Variants in SLC35D3 observed in about 807,000 individuals in gnomAD.
SLC35D3 encodes solute carrier family 35 member D3, also known as frc, fringe-like 1.
A neutral mutation model predicts 20.3 loss-of-function variants in SLC35D3; 18 were observed. That is an observed-to-expected ratio of 0.89 (90% confidence interval 0.61 to 1.32). SLC35D3 has a LOEUF of 1.32. Among genes scored for constraint, SLC35D3 ranks in the 40% most tolerant of loss-of-function variants. The pLI is 0.00. For synonymous variants in SLC35D3, 313 were observed against 263.5 expected (o/e 1.19, Z -1.82); for missense variants, 556 against 565.5 (o/e 0.98, Z 0.17).
rs1299422894 is a variant in SLC35D3, at chr6:136,925,067, TA to T, written c.*373del. ...GTGTAGAAATGATGACAGCACTTAGTAAGTTCAAAGATGACATTCAGGGATG... is the reference window on the plus strand; with the variant it reads ...GTGTAGAAATGATGACAGCACTTAGTAGTTCAAAGATGACATTCAGGGATG... On this transcript the variant is annotated 3_prime_UTR_variant, in exon 2 of 2. Transcript: ENST00000331858. 2 of 171,048 alleles carry T rather than the reference TA, an allele frequency of 1.2e-5. No individual in the cohort carries two copies. The highest frequency in any genetic ancestry group is 4.8e-5 in the African/African-American group (2 of 41,838). 10.6% of individuals were successfully genotyped at this position (171,048 alleles called of 1,614,324 possible).
At position 136,922,962 on chromosome 6, in the gene SLC35D3, T is replaced by A. The variant is rs1292173821; in HGVS notation, c.439+95T>A. On this transcript the variant is annotated intron_variant, in intron 1 of 1. Coordinates refer to ENST00000331858, the MANE Select transcript of SLC35D3 (RefSeq NM_001008783.3). The surrounding 1 kb of genome is among the most constrained non-coding windows in gnomAD (Gnocchi z 6.8). ...GATCACTGAGTTCAACGACCTCACT[T>A]CCAGATGGGGAGACTGAGGCAGAGA... 9 of 1,286,932 alleles carry A rather than the reference T, an allele frequency of 7.0e-6. No homozygotes were observed. Among genetic ancestry groups the A allele is most frequent in the Non-Finnish European group, 9.3e-6 (9 of 963,914 alleles). The allele number at this position is 1,286,932 out of a possible 1,614,324, so 79.7% of individuals were successfully genotyped here.
At position 136,922,355 on chromosome 6, in the gene SLC35D3, C is replaced by T; in HGVS notation, c.-74C>T. ...GCTGGGCGGGCGCCCCCGCCGCCCT[C>T]ACTCCGCTGCTCCCGGCTCCTCGCG... is the stretch of plus-strand genomic sequence containing the variant. On this transcript the variant is annotated 5_prime_UTR_variant, in exon 1 of 2. Coordinates refer to ENST00000331858, the MANE Select transcript of SLC35D3 (RefSeq NM_001008783.3). This position sits in a 1 kb window ranked among gnomAD's most constrained non-coding sequence, Gnocchi z 6.8. The T allele has an allele frequency of 7.9e-7, 1 of 1,258,920 alleles. No individual in the cohort carries two copies. The highest frequency in any genetic ancestry group is 1.0e-6 in the Non-Finnish European group (1 of 1,001,670). 78.0% of individuals were successfully genotyped at this position (1,258,920 alleles called of 1,614,324 possible). A position where few individuals can be genotyped will look rare whatever the true frequency, so the allele number is the denominator to read the frequency against.
chr6:136,922,545 C>T lies in SLC35D3; in HGVS notation c.117C>T (p.Ser39=). ...TCCTCATCAGCCGCTACCAGTTCTC[C>T]TTCCTGACCCTGGTGCAGTGCCTGA... ...LKFLISRYQF[S]FLTLVQCLTS... The change falls in exon 1 of 2, where the codon TCC becomes TCT. Residue 39 remains serine, a synonymous_variant. Coordinates refer to ENST00000331858, the MANE Select transcript of SLC35D3 (RefSeq NM_001008783.3). This position sits in a 1 kb window ranked among gnomAD's most constrained non-coding sequence, Gnocchi z 6.8. The T allele has an allele frequency of 2.5e-6, 4 of 1,612,666 alleles. No homozygotes were observed. Among genetic ancestry groups the T allele is most frequent in the Non-Finnish European group, 3.4e-6 (4 of 1,179,748 alleles).
rs772924067 is a variant in SLC35D3 at position 136,924,473 on chromosome 6, A to C, written c.1028A>C (p.Asn343Thr). Residue 343 changes from asparagine (N) to threonine (T), a missense_variant, in exon 2 of 2, where the codon AAT becomes ACT. Coordinates refer to ENST00000331858, the MANE Select transcript of SLC35D3 (RefSeq NM_001008783.3). Reference protein sequence around the residue: ...VMEELPGEGGNGRSEGGEAAG... With the variant: ...VMEELPGEGGTGRSEGGEAAG... ...GAGGAGCTGCCCGGGGAGGGAGGAA[A>C]TGGCCGGTCAGAAGGTGGGGAGGCA... is the stretch of plus-strand genomic sequence containing the variant. The C allele has an allele frequency of 2.4e-5, 39 of 1,613,620 alleles. No homozygotes were observed. Among genetic ancestry groups the C allele is most frequent in the Non-Finnish European group, 3.2e-5 (38 of 1,179,810 alleles).
rs777420864 is a variant in SLC35D3, at chr6:136,923,962, G to T, written c.517G>T (p.Val173Leu). The change falls in exon 2 of 2, where the codon GTG becomes TTG. Residue 173 changes from valine (V) to leucine (L), a missense_variant. By Grantham distance (32) the Val-to-Leu change is conservative. Transcript: ENST00000331858. The surrounding 1 kb of genome is among the most constrained non-coding windows in gnomAD (Gnocchi z 6.2). ...LAVLVHAAYL[V>L]LIQKASADTE... ...GGTGCTGGTGCACGCTGCCTACCTG[G>T]TGCTCATCCAGAAGGCCAGCGCAGA... 1 of 1,567,952 alleles carries T rather than the reference G, an allele frequency of 6.4e-7. No individual in the cohort carries two copies. The highest frequency in any genetic ancestry group is 2.4e-5 in the East Asian group (1 of 42,478).
chr6:136,924,028 G>C lies in SLC35D3; in HGVS notation c.583G>C (p.Val195Leu), dbSNP rs370964074. 1.9e-6 allele frequency: 3 copies of C among 1,604,460 alleles called. No homozygotes were observed. The highest frequency in any genetic ancestry group is 1.7e-5 in the Admixed American group (1 of 59,526). ...GCTCACCGCGCAGTACGTCATCGCCGTCTCTGCCACCCCGCTGCTGGTCAT... is the reference window on the plus strand; with the variant it reads ...GCTCACCGCGCAGTACGTCATCGCCCTCTCTGCCACCCCGCTGCTGGTCAT... ...GPLTAQYVIA[V>L]SATPLLVICS... Residue 195 changes from valine to leucine, a missense_variant, in exon 2 of 2, where the codon GTC becomes CTC. Coordinates refer to ENST00000331858, the MANE Select transcript of SLC35D3 (RefSeq NM_001008783.3).
At position 136,924,310 on chromosome 6, in the gene SLC35D3, G is replaced by C; in HGVS notation, c.865G>C (p.Val289Leu). 6.2e-7 allele frequency: 1 copy of C among 1,614,156 alleles called. No individual in the cohort carries two copies. The highest frequency in any genetic ancestry group is 8.5e-7 in the Non-Finnish European group (1 of 1,180,046). Residue 289 changes from valine to leucine, a missense_variant, in exon 2 of 2, where the codon GTG becomes CTG. Val to Leu is a conservative substitution (Grantham distance 32, BLOSUM62 1). Coordinates refer to ENST00000331858, the MANE Select transcript of SLC35D3 (RefSeq NM_001008783.3). ...PTSLFIAGVV[V>L]NTLGSIIYCV... ...CTCTCTGTTCATTGCCGGCGTGGTG[G>C]TGAACACCCTGGGCTCTATCATTTA...
Position 136,924,404 on chromosome 6 carries a change from G to A in SLC35D3, c.959G>A (p.Gly320Glu), listed in dbSNP as rs1439190179. 3 of 1,613,936 alleles carry A rather than the reference G, an allele frequency of 1.9e-6. No individual in the cohort carries two copies. The highest frequency in any genetic ancestry group is 3.3e-5 in the Admixed American group (2 of 60,008). ...GAGGACCTGGAGGCCCAGCCTCGGG[G>A]AGAGGAGGCGCAGCTAAGTGGAGAC... is the stretch of plus-strand genomic sequence containing the variant. Reference protein sequence around the residue: ...NYEDLEAQPRGEEAQLSGDQL... With the variant: ...NYEDLEAQPREEEAQLSGDQL... The change falls in exon 2 of 2, where the codon GGA becomes GAA. Residue 320 changes from glycine (G) to glutamate (E), a missense_variant. By Grantham distance (98) the Gly-to-Glu change is moderately conservative (BLOSUM62 -2). Coordinates refer to ENST00000331858, the MANE Select transcript of SLC35D3 (RefSeq NM_001008783.3).
In SLC35D3 at chr6:136,924,210, C is replaced by G; in HGVS notation, c.765C>G (p.Thr255=). 6.2e-7 allele frequency: 1 copy of G among 1,613,898 alleles called. No individual in the cohort carries two copies. The highest frequency in any genetic ancestry group is 8.5e-7 in the Non-Finnish European group (1 of 1,180,044). ...HCTYINSAVT[T]SFVGVVKSIA... ...CCTACATCAATTCGGCCGTGACCAC[C>G]AGCTTCGTGGGTGTGGTGAAGAGCA... The change falls in exon 2 of 2, where the codon ACC becomes ACG. Residue 255 remains threonine (T), a synonymous_variant. Transcript: ENST00000331858.
Position 136,922,414 on chromosome 6 carries a change from G to T in SLC35D3, c.-15G>T. On this transcript the variant is annotated 5_prime_UTR_variant, in exon 1 of 2. Transcript: ENST00000331858. This position sits in a 1 kb window ranked among gnomAD's most constrained non-coding sequence, Gnocchi z 6.8. ...GCGGAGCTCCGCCACCGCTGGGTGC[G>T]GCGAGGCCGGCGCGATGCGGCAGCT... is the stretch of plus-strand genomic sequence containing the variant. 2 of 1,505,646 alleles carry T rather than the reference G, an allele frequency of 1.3e-6. No homozygotes were observed. The highest frequency in any genetic ancestry group is 1.3e-5 in the South Asian group (1 of 77,934). 93.3% of individuals were successfully genotyped at this position (1,505,646 alleles called of 1,614,324 possible).
In SLC35D3 at chr6:136,922,476, C is replaced by A. The variant is rs1160429699; in HGVS notation, c.48C>A (p.Ile16=). The change falls in exon 1 of 2, where the codon ATC becomes ATA. Residue 16 remains isoleucine (I), a synonymous_variant. Coordinates refer to ENST00000331858, the MANE Select transcript of SLC35D3 (RefSeq NM_001008783.3). This position sits in a 1 kb window ranked among gnomAD's most constrained non-coding sequence, Gnocchi z 6.8. Reference sequence around the variant, plus strand: ...GCGTGCTGGGCATCTCGGTGGCCATCGCGCACGGGGTCTTCTCGGGCTCCC... The same window carrying A: ...GCGTGCTGGGCATCTCGGTGGCCATAGCGCACGGGGTCTTCTCGGGCTCCC... ...RGRVLGISVA[I]AHGVFSGSLN... The A allele has an allele frequency of 2.5e-6, 4 of 1,607,750 alleles. No individual in the cohort carries two copies. The highest frequency in any genetic ancestry group is 1.7e-5 in the Admixed American group (1 of 59,660).
Position 136,922,346 on chromosome 6 carries a change from C to G in SLC35D3, c.-83C>G. 3 of 1,194,834 alleles carry G rather than the reference C, an allele frequency of 2.5e-6. No individual in the cohort carries two copies. Among genetic ancestry groups the G allele is most frequent in the Non-Finnish European group, 3.1e-6 (3 of 957,564 alleles). 74.0% of individuals were successfully genotyped at this position (1,194,834 alleles called of 1,614,324 possible). On this transcript the variant is annotated 5_prime_UTR_variant, in exon 1 of 2. Transcript: ENST00000331858. The surrounding 1 kb of genome is among the most constrained non-coding windows in gnomAD (Gnocchi z 6.8). ...CGCCGCCGCGCTGGGCGGGCGCCCC[C>G]GCCGCCCTCACTCCGCTGCTCCCGG...
Position 136,925,028 on chromosome 6 carries a change from C to G in SLC35D3, c.*332C>G, listed in dbSNP as rs1010061586. The G allele has an allele frequency of 6.3e-5, 12 of 191,676 alleles. No individual in the cohort carries two copies. Among genetic ancestry groups the G allele is most frequent in the Non-Finnish European group, 1.1e-4 (10 of 92,836 alleles). 11.9% of individuals were successfully genotyped at this position (191,676 alleles called of 1,614,324 possible). A position where few individuals can be genotyped will look rare whatever the true frequency, so the allele number is the denominator to read the frequency against. ...TGTACCAAGAGTCCCTAAGCCACCCCCTCCAAAGATGGAGTGTAGAAATGA... is the reference window on the plus strand; with the variant it reads ...TGTACCAAGAGTCCCTAAGCCACCCGCTCCAAAGATGGAGTGTAGAAATGA... On this transcript the variant is annotated 3_prime_UTR_variant, in exon 2 of 2. Transcript: ENST00000331858.
Position 136,923,950 on chromosome 6 carries a change from G to A in SLC35D3, c.505G>A (p.Ala169Thr), listed in dbSNP as rs1246503230. The change falls in exon 2 of 2, where the codon GCT (alanine) becomes ACT (threonine). Residue 169 changes from alanine (A) to threonine (T), a missense_variant. By Grantham distance (58) the Ala-to-Thr change is moderately conservative. Transcript: ENST00000331858. This position sits in a 1 kb window ranked among gnomAD's most constrained non-coding sequence, Gnocchi z 6.2. Reference protein sequence around the residue: ...VTGVLAVLVHAAYLVLIQKAS... With the variant: ...VTGVLAVLVHTAYLVLIQKAS... The stretch of plus-strand genomic sequence containing the variant: ...GGGAGTGCTGGCGGTGCTGGTGCAC[G>A]CTGCCTACCTGGTGCTCATCCAGAA... The A allele has an allele frequency of 1.3e-6, 2 of 1,554,636 alleles. No homozygotes were observed. The highest frequency in any genetic ancestry group is 1.7e-6 in the Non-Finnish European group (2 of 1,154,604).
Position 136,923,630 on chromosome 6 carries a change from G to C in SLC35D3, c.440-255G>C, listed in dbSNP as rs919110740. On this transcript the variant is annotated intron_variant, in intron 1 of 1. Coordinates refer to ENST00000331858, the MANE Select transcript of SLC35D3 (RefSeq NM_001008783.3). This position sits in a 1 kb window ranked among gnomAD's most constrained non-coding sequence, Gnocchi z 6.2. ...CTCTCCGGGGCCTTTGTCTTGGACA[G>C]AGGAAGATGGAGTGACCCGGGGATA... 7.2e-5 allele frequency among the ~76,000 whole-genome samples: 11 copies of C among 152,348 alleles called. No homozygotes were observed. The highest frequency in any genetic ancestry group is 1.6e-4 in the Non-Finnish European group (11 of 68,018).
In SLC35D3 at chr6:136,922,804, G is replaced by C. The variant is rs1440944858; in HGVS notation, c.376G>C (p.Gly126Arg). 1.9e-6 allele frequency: 3 copies of C among 1,561,810 alleles called. No homozygotes were observed. The highest frequency in any genetic ancestry group is 2.6e-6 in the Non-Finnish European group (3 of 1,154,076). ...MLIGVLVLKN[G>R]APSPGVLAAV... ...CATCGGCGTCCTGGTGCTCAAGAAC[G>C]GCGCGCCCTCGCCAGGGGTGCTGGC... The change falls in exon 1 of 2, where the codon GGC (glycine) becomes CGC (arginine). Residue 126 changes from glycine to arginine, a missense_variant. Physicochemically the swap from Gly to Arg is moderately radical, Grantham distance 125 (BLOSUM62 -2). Transcript: ENST00000331858. This position sits in a 1 kb window ranked among gnomAD's most constrained non-coding sequence, Gnocchi z 6.8.
In SLC35D3 at chr6:136,923,466, G is replaced by A. The variant is rs1776089231; in HGVS notation, c.440-419G>A. On this transcript the variant is annotated intron_variant, in intron 1 of 1. Coordinates refer to ENST00000331858, the MANE Select transcript of SLC35D3 (RefSeq NM_001008783.3). This position sits in a 1 kb window ranked among gnomAD's most constrained non-coding sequence, Gnocchi z 6.2. ...TCTCCCCCGCGCCTGGCCCGCTCCG[G>A]GTTGCAGGCCACTGGCTGGGGCTCC... Among the ~76,000 whole-genome samples, 1 of 152,228 alleles carries A rather than the reference G, an allele frequency of 6.6e-6. No homozygotes were observed. The highest frequency in any genetic ancestry group is 1.5e-5 in the Non-Finnish European group (1 of 68,042).
Position 136,923,789 on chromosome 6 carries a change from ACGCGTTT to A in SLC35D3, c.440-95_440-89del. The A allele has an allele frequency of 1.3e-5, 16 of 1,209,244 alleles. No individual in the cohort carries two copies. The highest frequency in any genetic ancestry group is 1.7e-5 in the Non-Finnish European group (15 of 892,256). The allele number at this position is 1,209,244 out of a possible 1,614,324, so 74.9% of individuals were successfully genotyped here. On this transcript the variant is annotated intron_variant, in intron 1 of 1. Transcript: ENST00000331858. The surrounding 1 kb of genome is among the most constrained non-coding windows in gnomAD (Gnocchi z 6.2). ...CGAACCCAGTCTCCTTTCCTACCCG[ACGCGTTT>A]TCCCCGTGGGTCCCCGCCCACGCCA...
In SLC35D3 at chr6:136,923,873, C is replaced by T. The variant is rs745407685; in HGVS notation, c.440-12C>T. 8 of 1,500,552 alleles carry T rather than the reference C, an allele frequency of 5.3e-6. No homozygotes were observed. Among genetic ancestry groups the T allele is most frequent in the African/African-American group, 2.8e-5 (2 of 72,368 alleles). The allele number at this position is 1,500,552 out of a possible 1,614,324, so 93.0% of individuals were successfully genotyped here. A position where few individuals can be genotyped will look rare whatever the true frequency, so the allele number is the denominator to read the frequency against. On this transcript the variant is annotated splice_polypyrimidine_tract_variant and intron_variant, in intron 1 of 1. Transcript: ENST00000331858. The surrounding 1 kb of genome is among the most constrained non-coding windows in gnomAD (Gnocchi z 6.2). ...CCCGCCCGGGCTCGGCCGTCCTCCTCGTGCGCCGCAGGAGCCGGCGACCTG... is the reference window on the plus strand; with the variant it reads ...CCCGCCCGGGCTCGGCCGTCCTCCTTGTGCGCCGCAGGAGCCGGCGACCTG...
Sources: allele counts gnomAD v4.1 joint callset (sites outside exome capture counted in the v4.1 genomes callset), GRCh38; gene constraint gnomAD v4.1.1; non-coding constraint Gnocchi (gnomAD v3.1); transcripts MANE v1.5; gene names NCBI Gene and HGNC (gene_info 2026-07-23, HGNC 2026-07-21).